CHM: variants seen among roughly 807,000 people sequenced by gnomAD.
CHM encodes the protein CHM Rab escort protein, also known as rab proteins geranylgeranyltransferase component A 1.
A neutral mutation model predicts 49.0 loss-of-function variants in CHM; 10 were observed. The observed-to-expected ratio is 0.20, with a 90% confidence interval of 0.13 to 0.35. The LOEUF (loss-of-function observed/expected upper bound fraction) is 0.35, where lower values mean the gene tolerates loss of function less well. CHM is among the 10% of genes least tolerant of loss of function. CHM has a pLI of 1.00. For synonymous variants in CHM, 184 were observed against 167.5 expected, an observed-to-expected ratio of 1.10 and a Z score of -0.76; for missense variants, 455 against 478.4, an observed-to-expected ratio of 0.95 and a Z score of 0.46.
Position 85,864,036 on chromosome X carries a change from T to TA in CHM, c.*593dup, listed in dbSNP as rs1923534851. On this transcript the variant is annotated 3_prime_UTR_variant, in exon 15 of 15. Coordinates refer to ENST00000357749, the MANE Select transcript of CHM (RefSeq NM_000390.4). ...TACAAACAAATATCACTACTGATAC[T>TA]AAAAAACACTACTGACTTATTCGTA... 2 of 113,062 alleles carry TA rather than the reference T, an allele frequency of 1.8e-5. No homozygotes were observed. Among genetic ancestry groups the TA allele is most frequent in the Admixed American group, 1.9e-4 (2 of 10,766 alleles). 9.3% of individuals were successfully genotyped at this position (113,062 alleles called of 1,213,427 possible).
At chrX:85,975,243 A>T (rs1931188431) in intron 4 of CHM, among the ~76,000 whole-genome samples, 1 of 112,302 alleles carries the variant, frequency 8.9e-6, no homozygotes, top group South Asian at 3.6e-4. Flanking sequence ...GTTTCTTTTA[A>T]AACTAAATAT....
rs539912290 is a variant in CHM at position 85,929,115 on chromosome X, T to C, written c.1167-17777A>G. ...AACGTAAGAAATTAGGGAAGCACAG[T>C]GATACATCAAAAAAGCAAGCAGCAA... On this transcript the variant is annotated intron_variant, in intron 8 of 14. Coordinates refer to ENST00000357749, the MANE Select transcript of CHM (RefSeq NM_000390.4). Among the ~76,000 whole-genome samples the C allele has an allele frequency of 3.9e-4, 44 of 111,529 alleles. No individual in the cohort carries two copies. The South Asian group carries it at 0.016, about 40-fold the overall frequency.
intron 11 of CHM, among the ~76,000 whole-genome samples, chrX:85,897,670 TG>T (rs1384492285): frequency 9.1e-6 from 1 of 110,397 alleles, no homozygotes; most frequent in African/African-American, 3.3e-5. Context: ...GATTAGGCAC[TG>T]AGGGAAAAGG....
intron 1 of CHM, among the ~76,000 whole-genome samples, chrX:86,030,482 A>G (rs1195746209): frequency 8.9e-6 from 1 of 111,971 alleles, no homozygotes; most frequent in Non-Finnish European, 1.9e-5. Context: ...TGAAGAAAAG[A>G]AAAAGAAAAT....
chrX:85,987,670 C>T (rs1228067428), intron 2 of CHM, among the ~76,000 whole-genome samples: 9 of 111,393 alleles, frequency 8.1e-5, no homozygotes, highest in Non-Finnish European at 7.5e-5. Flanking sequence ...TTACAAATGA[C>T]GAAGGGAATG....
At chrX:86,002,218 C>A (rs758517426) in intron 2 of CHM, among the ~76,000 whole-genome samples, 3 of 111,860 alleles carry the variant, frequency 2.7e-5, no homozygotes, top group African/African-American at 9.7e-5. Context: ...ACCTGTGACC[C>A]GTTTTAGACT....
chrX:85,949,297 T>C (rs766768019), intron 8 of CHM, among the ~76,000 whole-genome samples: 4 of 112,262 alleles, frequency 3.6e-5, no homozygotes, highest in Non-Finnish European at 5.6e-5. Flanking sequence ...ACAAAATGCA[T>C]TTTTTAATGT....
chrX:85,918,156 C>T (rs1192945925), intron 8 of CHM, among the ~76,000 whole-genome samples: 1 of 110,689 alleles, frequency 9.0e-6, no homozygotes, highest in East Asian at 2.8e-4. Context: ...TTGAGAGCTG[C>T]TAGAGAGAAG....
intron 2 of CHM, among the ~76,000 whole-genome samples, chrX:86,005,433 C>G (rs1417127665): frequency 9.0e-6 from 1 of 111,336 alleles, no homozygotes; most frequent in African/African-American, 3.3e-5. Context: ...CTGAAAGAGA[C>G]AGATCCACAA....
At chrX:85,899,260 G>A (rs989518821) in intron 11 of CHM, among the ~76,000 whole-genome samples, 4 of 111,290 alleles carry the variant, frequency 3.6e-5, no homozygotes, top group Non-Finnish European at 7.5e-5. Context: ...CTGGGGGTAA[G>A]GAGAAAGAAG....
At chrX:85,870,260 A>G (rs1923967289) in intron 14 of CHM, among the ~76,000 whole-genome samples, 1 of 112,307 alleles carries the variant, frequency 8.9e-6, no homozygotes, top group Non-Finnish European at 1.9e-5. Context: ...TGACACACAG[A>G]AAGTGCTCAA....
chrX:85,883,237 C>T (rs1924870970), intron 12 of CHM, among the ~76,000 whole-genome samples: 1 of 111,428 alleles, frequency 9.0e-6, no homozygotes, highest in Admixed American at 9.6e-5. Flanking sequence ...TATTTATAGG[C>T]TAGTCAGCAA....
intron 14 of CHM, among the ~76,000 whole-genome samples, chrX:85,866,293 G>A (rs1475226454): frequency 2.7e-5 from 3 of 112,766 alleles, no homozygotes; most frequent in Non-Finnish European, 5.6e-5. Flanking sequence ...TTGGGCTGTT[G>A]CTTCAGAGGG....
At chrX:86,021,126 GTATATATATA>G (rs3078128) in intron 2 of CHM, among the ~76,000 whole-genome samples, 21,889 of 55,832 alleles carry the variant, frequency 0.39, 3,261 homozygotes, top group South Asian at 0.53. Context: ...GTGTATATAC[GTATATATATA>G]TATATATATA....
At chrX:85,953,794 T>C (rs904302045) in intron 8 of CHM, among the ~76,000 whole-genome samples, 17 of 111,963 alleles carry the variant, frequency 1.5e-4, no homozygotes, top group African/African-American at 5.5e-4. Context: ...AAGAATTAAA[T>C]CTAATGCCTC....
chrX:86,008,352 C>A (rs967449384), intron 2 of CHM, among the ~76,000 whole-genome samples: 22 of 110,456 alleles, frequency 2.0e-4, no homozygotes, highest in African/African-American at 6.9e-4. Context: ...CACATGTATA[C>A]CCTATGTATC....
At chrX:85,944,099 TAA>T (rs898198808) in intron 8 of CHM, among the ~76,000 whole-genome samples, 7 of 111,979 alleles carry the variant, frequency 6.3e-5, no homozygotes, top group African/African-American at 2.3e-4. Flanking sequence ...GTTGAATATA[TAA>T]ACTCTTTAAA....
chrX:85,863,189 T>A lies in CHM; in HGVS notation c.*1441A>T, dbSNP rs1206663869. ...CTCACTGCAACCTCCGCCTCCCTGG[T>A]TCAAGTGAGTCTGCTACCTCATCTT... On this transcript the variant is annotated 3_prime_UTR_variant, in exon 15 of 15. Coordinates refer to ENST00000357749, the MANE Select transcript of CHM (RefSeq NM_000390.4). 9.1e-6 allele frequency: 1 copy of A among 109,906 alleles called. No individual in the cohort carries two copies. The highest frequency in any genetic ancestry group is 1.9e-5 in the Non-Finnish European group (1 of 52,682). The allele number at this position is 109,906 out of a possible 1,213,427, so 9.1% of individuals were successfully genotyped here. A position where few individuals can be genotyped will look rare whatever the true frequency, so the allele number is the denominator to read the frequency against.
intron 8 of CHM, among the ~76,000 whole-genome samples, chrX:85,942,588 T>C (rs1481394734): frequency 9.0e-6 from 1 of 111,078 alleles, no homozygotes; most frequent in Non-Finnish European, 1.9e-5. Context: ...AAGGATAGTA[T>C]GTTGTGATTC....
Sources: gnomAD v4.1 joint callset for allele counts (sites outside exome capture counted in the v4.1 genomes callset) on GRCh38, gnomAD v4.1.1 for gene constraint, MANE v1.5 for transcripts, NCBI Gene and HGNC (gene_info 2026-07-23, HGNC 2026-07-21) for gene names.